SIMC1: variants seen among roughly 807,000 people sequenced by gnomAD.
SIMC1 encodes the protein SUMO-interacting motif-containing protein 1.
Under a neutral mutation model 82.3 loss-of-function variants are expected in SIMC1, and 55 were observed. The ratio of observed to expected loss-of-function variants is 0.67; its 90% CI spans 0.54 to 0.84. The LOEUF (loss-of-function observed/expected upper bound fraction) is 0.84, where lower values mean the gene tolerates loss of function less well. SIMC1 is among the 40% of genes least tolerant of loss of function. The pLI, the probability that SIMC1 is intolerant of heterozygous loss-of-function variation, is 0.00. For missense variants in SIMC1, 915 were observed against 1,107.2 expected, an observed-to-expected ratio of 0.83 and a Z score of 2.46; for synonymous variants, 353 against 426.3, an observed-to-expected ratio of 0.83 and a Z score of 2.12.
In SIMC1 at chr5:176,276,341, C is replaced by T. The variant is rs578184820; in HGVS notation, c.130-13313C>T. Among the ~76,000 whole-genome samples the T allele has an allele frequency of 1.5e-3, 226 of 151,338 alleles. 5 individuals are homozygous for T. Among genetic ancestry groups the T allele is most frequent in the Admixed American group, 3.4e-3 (52 of 15,170 alleles). ...ATCTCCCCTTTATCATTTTTTATTG[C>T]GACTGTTTGATTCTTCTCTCTTTTT... is the stretch of plus-strand genomic sequence containing the variant. On this transcript the variant is annotated intron_variant, in intron 1 of 9. Coordinates refer to ENST00000429602, the MANE Select transcript of SIMC1 (RefSeq NM_001308195.2).
At chr5:176,297,896 T>C (rs6556260) in intron 4 of SIMC1, among the ~76,000 whole-genome samples, 89,363 of 151,906 alleles carry the variant, frequency 0.59, 26,389 homozygotes, top group Middle Eastern at 0.63. Flanking sequence ...CAGGAGAGTA[T>C]TGAAGTCCCA....
In SIMC1 at chr5:176,342,588, C is replaced by T. The variant is rs143053829; in HGVS notation, c.2414-2595C>T. On this transcript the variant is annotated intron_variant, in intron 9 of 9. Transcript: ENST00000429602. ...AAGGACTTCTTGCTGCGTCTTACCA[C>T]GGCAGAAGGCTTCCTACCCTGATTT... Among the ~76,000 whole-genome samples, 220 of 152,256 alleles carry T rather than the reference C, an allele frequency of 1.4e-3. 1 individual carries two copies. Among genetic ancestry groups the T allele is most frequent in the African/African-American group, 5.1e-3 (213 of 41,532 alleles).
At position 176,252,216 on chromosome 5, in the gene SIMC1, C is replaced by T. The variant is rs977609301; in HGVS notation, c.129+13579C>T. Among the ~76,000 whole-genome samples, 9 of 144,054 alleles carry T rather than the reference C, an allele frequency of 6.2e-5. No homozygotes were observed. The East Asian group carries it at 1.9e-3, about 30-fold the overall frequency. 94.5% of individuals were successfully genotyped at this position (144,054 alleles called of 152,430 possible). ...GCGGCTGGCCGGGCGGGGGGCTGAC[C>T]GCCCCCCCCACCTCCCTCCCGGACG... is the stretch of plus-strand genomic sequence containing the variant. On this transcript the variant is annotated intron_variant, in intron 1 of 9. Coordinates refer to ENST00000429602, the MANE Select transcript of SIMC1 (RefSeq NM_001308195.2).
chr5:176,295,377 A>T (rs548208065), intron 3 of SIMC1, 115 bp downstream of exon 3: 1 of 1,463,042 alleles, frequency 6.8e-7, no homozygotes, highest in East Asian at 2.5e-5. Context: ...GACTTAGCAT[A>T]TTAGTGTTAT....
intron 1 of SIMC1, among the ~76,000 whole-genome samples, chr5:176,271,514 G>A (rs1257240160): frequency 6.6e-6 from 1 of 152,132 alleles, no homozygotes; most frequent in Non-Finnish European, 1.5e-5. Context: ...TCCTCATTGT[G>A]AGAGCTAAAA....
At chr5:176,252,198 G>T (rs1322164888) in intron 1 of SIMC1, among the ~76,000 whole-genome samples, 2 of 124,834 alleles carry the variant, frequency 1.6e-5, no homozygotes, top group Non-Finnish European at 3.5e-5. Flanking sequence ...GGGGCGGCTG[G>T]CCGGGCGGGG....
intron 2 of SIMC1, among the ~76,000 whole-genome samples, chr5:176,291,471 G>GA (rs1763568405): frequency 6.6e-6 from 1 of 151,826 alleles, no homozygotes; most frequent in Non-Finnish European, 1.5e-5. Context: ...CGAGTAGCTG[G>GA]GACTATAGGC....
At chr5:176,332,159 T>C (rs970985938) in intron 7 of SIMC1, among the ~76,000 whole-genome samples, 1 of 152,232 alleles carries the variant, frequency 6.6e-6, no homozygotes, top group Non-Finnish European at 1.5e-5. Flanking sequence ...AATCTGACTA[T>C]TTGTTTCCTG....
At chr5:176,297,601 AT>A (rs1763877563) in intron 4 of SIMC1, among the ~76,000 whole-genome samples, 1 of 151,810 alleles carries the variant, frequency 6.6e-6, no homozygotes, top group African/African-American at 2.4e-5. Context: ...GGTCTTCCAC[AT>A]TCTGACCTTT....
chr5:176,300,924 A>G (rs945463793), intron 4 of SIMC1, among the ~76,000 whole-genome samples: 45 of 152,346 alleles, frequency 3.0e-4, no homozygotes, highest in Non-Finnish European at 2.6e-4. Context: ...CAGAACAATA[A>G]CTAGTAAGGA....
Position 176,313,707 on chromosome 5 carries a change from G to A in SIMC1, c.1751G>A (p.Gly584Glu), listed in dbSNP as rs1376645416. 1 of 1,613,738 alleles carries A rather than the reference G, an allele frequency of 6.2e-7. No homozygotes were observed. Among genetic ancestry groups the A allele is most frequent in the Non-Finnish European group, 8.5e-7 (1 of 1,179,836 alleles). Residue 584 changes from glycine to glutamate, a missense_variant, in exon 5 of 10, where the codon GGG becomes GAG. By Grantham distance (98) the Gly-to-Glu change is moderately conservative. Around this residue, in one of 2 missense-constraint regions of SIMC1, gnomAD observed 902 missense variants for 1,040.3 expected, o/e 0.87. Coordinates refer to ENST00000429602, the MANE Select transcript of SIMC1 (RefSeq NM_001308195.2). ...VMEEEGQTLP[G>E]RVLFLRYVVQ... ...TTCCCACAGGGACAAACTCTGCCTG[G>A]GCGAGTCCTTTTCCTGCGTTATGTC...
In SIMC1 at chr5:176,290,140, C is replaced by G. The variant is rs1337421634; in HGVS notation, c.616C>G (p.Pro206Ala). 6 of 1,606,446 alleles carry G rather than the reference C, an allele frequency of 3.7e-6. No individual in the cohort carries two copies. In the Admixed American group the frequency reaches 1.0e-4, roughly 28 times the overall value. ...CAGCAGCAATCAAAAAGCACCCTTG[C>G]CATGCCCACAGCAAGATGTATCTCG... The part of the protein sequence containing the change: ...SSSSNQKAPL[P>A]CPQQDVSRPP... Residue 206 changes from proline to alanine, a missense_variant, in exon 2 of 10, where the codon CCA becomes GCA. Pro to Ala is a conservative substitution (Grantham distance 27, BLOSUM62 -1). Transcript: ENST00000429602.
chr5:176,249,308 A>G (rs1300953778), intron 1 of SIMC1, among the ~76,000 whole-genome samples: 2 of 151,966 alleles, frequency 1.3e-5, no homozygotes, highest in African/African-American at 2.4e-5. Context: ...CAGAGATTCA[A>G]CTTCTTCCTG....
At position 176,290,227 on chromosome 5, in the gene SIMC1, T is replaced by G; in HGVS notation, c.703T>G (p.Cys235Gly). 1.2e-6 allele frequency: 2 copies of G among 1,611,208 alleles called. No individual in the cohort carries two copies. The highest frequency in any genetic ancestry group is 1.7e-6 in the Non-Finnish European group (2 of 1,179,000). ...GCCATGCCCACCGAGAGCCTCACCA[T>G]GTCCACCACGAGCCTCCTCATGCCC... Reference protein sequence around the residue: ...PLPCPPRASPCPPRASSCPPR... With the variant: ...PLPCPPRASPGPPRASSCPPR... Residue 235 changes from cysteine (C) to glycine (G), a missense_variant, in exon 2 of 10, where the codon TGT becomes GGT. Cys to Gly is a radical substitution (Grantham distance 159). This residue lies in a region of SIMC1 where 902 missense variants were observed against 1,040.3 expected (regional missense o/e 0.87). Transcript: ENST00000429602.
At chr5:176,303,268 TA>T (rs200189307) in intron 4 of SIMC1, among the ~76,000 whole-genome samples, 25,639 of 126,508 alleles carry the variant, frequency 0.2, 3,054 homozygotes, top group South Asian at 0.3. Context: ...ACTCTGTCTT[TA>T]AAAAAAAAAA....
intron 1 of SIMC1, among the ~76,000 whole-genome samples, chr5:176,261,759 GAAAA>G: frequency 6.7e-6 from 1 of 148,354 alleles, no homozygotes; most frequent in Admixed American, 6.7e-5. Flanking sequence ...AAAAAAAAAG[GAAAA>G]AAAAAAGTTT....
At chr5:176,338,202 G>T (rs535012763) in intron 9 of SIMC1, among the ~76,000 whole-genome samples, 2 of 152,134 alleles carry the variant, frequency 1.3e-5, no homozygotes, top group African/African-American at 4.8e-5. Flanking sequence ...TAACTGACCT[G>T]TACTTTTTTA....
At chr5:176,312,598 C>T (rs1283259398) in intron 4 of SIMC1, among the ~76,000 whole-genome samples, 4 of 148,236 alleles carry the variant, frequency 2.7e-5, no homozygotes. Flanking sequence ...AAAGCATTTG[C>T]ATCAGTTATC....
At chr5:176,312,653 T>C (rs1210419268) in intron 4 of SIMC1, among the ~76,000 whole-genome samples, 1 of 152,106 alleles carries the variant, frequency 6.6e-6, no homozygotes, top group African/African-American at 2.4e-5. Context: ...AAAGATATTG[T>C]CACCTCCTCC....
Sources: gnomAD v4.1 joint callset for allele counts (sites outside exome capture counted in the v4.1 genomes callset) on GRCh38, gnomAD v4.1.1 for gene constraint, gnomAD v4.1.1 regional missense constraint, MANE v1.5 for transcripts, NCBI Gene and HGNC (gene_info 2026-07-23, HGNC 2026-07-21) for gene names.